PCDH11Y: variants seen among roughly 807,000 people sequenced by gnomAD.
PCDH11Y encodes protocadherin-11 Y-linked.
For missense variants in PCDH11Y, 12 were observed against 224.8 expected, an observed-to-expected ratio of 0.05 and a Z score of 6.05; for synonymous variants, 9 against 83.6, an observed-to-expected ratio of 0.11 and a Z score of 4.87.
At position 5,577,626 on chromosome Y, in the gene PCDH11Y, G is replaced by A. The variant is rs367925609; in HGVS notation, c.3329-4149G>A. ...ATATGGATAGAAACTTTAATATAAA[G>A]GGATACATAATTAATTTTATATTTG... is the stretch of plus-strand genomic sequence containing the variant. On this transcript the variant is annotated intron_variant, in intron 3 of 4. Coordinates refer to the PCDH11Y transcript ENST00000400457. Among the ~76,000 whole-genome samples, 4 of 32,961 alleles carry A rather than the reference G, an allele frequency of 1.2e-4. No homozygotes were observed. In the East Asian group the frequency reaches 3.2e-3, roughly 26 times the overall value. 88.4% of individuals were successfully genotyped at this position (32,961 alleles called of 37,273 possible).
At chrY:5,234,413 T>A in intron 2 of PCDH11Y, among the ~76,000 whole-genome samples, 1 of 29,738 alleles carries the variant, frequency 3.4e-5, no homozygotes, top group Non-Finnish European at 7.9e-5. Context: ...CCGGCTAATT[T>A]TTTTGTATTT....
At chrY:5,249,383 G>A in intron 2 of PCDH11Y, among the ~76,000 whole-genome samples, 2 of 31,213 alleles carry the variant, frequency 6.4e-5, no homozygotes, top group African/African-American at 2.5e-4. Context: ...GCAAAACTTC[G>A]TGGTACTGAC....
intron 4 of PCDH11Y, among the ~76,000 whole-genome samples, chrY:5,693,127 G>A (rs2124710985): frequency 3.1e-5 from 1 of 32,560 alleles, no homozygotes; most frequent in South Asian, 7.0e-4. Flanking sequence ...GGTATGATTC[G>A]TGTGCCTCAT....
intron 2 of PCDH11Y, among the ~76,000 whole-genome samples, chrY:5,239,254 G>A: frequency 3.0e-5 from 1 of 33,763 alleles, no homozygotes; most frequent in Non-Finnish European, 7.3e-5. Context: ...CATAAAAAAT[G>A]ATGAGCTTAT....
intron 4 of PCDH11Y, among the ~76,000 whole-genome samples, chrY:5,670,563 G>T (rs2053548050): frequency 3.1e-5 from 1 of 32,673 alleles, no homozygotes; most frequent in Non-Finnish European, 7.6e-5. Flanking sequence ...TCATATACTT[G>T]TTTGACATCT....
chrY:5,223,776 A>G, intron 2 of PCDH11Y, among the ~76,000 whole-genome samples: 5 of 33,340 alleles, frequency 1.5e-4, no homozygotes, highest in Non-Finnish European at 3.7e-4. Flanking sequence ...TGTTTCTGTA[A>G]AAGAGCAATA....
intron 2 of PCDH11Y, among the ~76,000 whole-genome samples, chrY:5,308,358 T>C (rs796572254): frequency 6.0e-5 from 2 of 33,244 alleles, no homozygotes; most frequent in South Asian, 1.3e-3. Flanking sequence ...ATGATAACTA[T>C]AACTCTATAA....
intron 4 of PCDH11Y, among the ~76,000 whole-genome samples, chrY:5,720,099 T>C (rs2053593437): frequency 1.5e-4 from 5 of 32,822 alleles, no homozygotes; most frequent in Admixed American, 1.4e-3. Flanking sequence ...CTCCATTGTA[T>C]CTAGGAAGTA....
At chrY:5,294,523 C>T in intron 2 of PCDH11Y, among the ~76,000 whole-genome samples, 1 of 31,884 alleles carries the variant, frequency 3.1e-5, no homozygotes, top group African/African-American at 1.2e-4. Context: ...TCCCAAAGCA[C>T]TAGCCAGGAT....
chrY:5,250,657 A>G, intron 2 of PCDH11Y, among the ~76,000 whole-genome samples: 3 of 31,515 alleles, frequency 9.5e-5, no homozygotes, highest in South Asian at 7.3e-4. Context: ...AAAATAACTA[A>G]TAGGTACTAA....
intron 3 of PCDH11Y, among the ~76,000 whole-genome samples, chrY:5,538,398 A>G (rs2053402468): frequency 3.0e-5 from 1 of 33,349 alleles, no homozygotes; most frequent in Non-Finnish European, 7.4e-5. Flanking sequence ...TAGATGTGGC[A>G]GATATTTGTC....
At chrY:5,314,241 C>T (rs2053104976) in intron 2 of PCDH11Y, among the ~76,000 whole-genome samples, 2 of 30,247 alleles carry the variant, frequency 6.6e-5, no homozygotes, top group Non-Finnish European at 1.6e-4. Context: ...CTCCTCCTCC[C>T]GGGTTCAAAC....
At chrY:5,208,022 A>T in intron 2 of PCDH11Y, 2 of 190,448 alleles carry the variant, frequency 1.1e-5, no homozygotes, top group African/African-American at 1.7e-4. Context: ...TAGTGAAGAC[A>T]TCCCTGGCAG....
chrY:5,105,643 AAAAGAAAG>A (rs1556397976), downstream of PCDH11Y, among the ~76,000 whole-genome samples: 1 of 31,825 alleles, frequency 3.1e-5, no homozygotes, highest in African/African-American at 1.2e-4. Flanking sequence ...AAAAAAAAAA[AAAAGAAAG>A]AAAGAAAGAA....
chrY:5,617,506 T>C, intron 4 of PCDH11Y, among the ~76,000 whole-genome samples: 1 of 32,201 alleles, frequency 3.1e-5, no homozygotes, highest in Non-Finnish European at 7.6e-5. Context: ...TTAGCAAAAG[T>C]ATAATGGTAA....
At chrY:5,181,721 A>G in intron 2 of PCDH11Y, among the ~76,000 whole-genome samples, 2 of 31,718 alleles carry the variant, frequency 6.3e-5, no homozygotes, top group East Asian at 1.7e-3. Context: ...TGCTGTCAAT[A>G]CTTGTGTTTG....
intron 2 of PCDH11Y, among the ~76,000 whole-genome samples, chrY:5,232,548 G>A: frequency 6.3e-5 from 2 of 31,801 alleles, no homozygotes; most frequent in African/African-American, 2.5e-4. Context: ...TGTGGTTCAG[G>A]TGGTATCCTA....
chrY:5,140,853 T>A (rs2124642332), intron 2 of PCDH11Y, among the ~76,000 whole-genome samples: 13 of 32,268 alleles, frequency 4.0e-4, no homozygotes, highest in Non-Finnish European at 8.4e-4. Flanking sequence ...TTTTTTTTTT[T>A]TTATTATTAT....
At chrY:5,491,572 G>A in intron 2 of PCDH11Y, among the ~76,000 whole-genome samples, 1 of 31,608 alleles carries the variant, frequency 3.2e-5, no homozygotes, top group South Asian at 7.4e-4. Flanking sequence ...AACTTGCCAC[G>A]TTGGGGGTGA....
Sources: allele counts gnomAD v4.1 joint callset (sites outside exome capture counted in the v4.1 genomes callset), GRCh38; gene constraint gnomAD v4.1.1; transcripts MANE v1.5; gene names NCBI Gene and HGNC (gene_info 2026-07-23, HGNC 2026-07-21).